TRAF2: variants seen among roughly 807,000 people sequenced by gnomAD.
TRAF2 encodes the protein TNF receptor-associated factor 2.
In TRAF2, 6 loss-of-function variants were observed where a neutral mutation model predicts 55.6. The observed-to-expected ratio is 0.11, with a 90% CI of 0.06 to 0.21. The LOEUF is 0.21. Among genes scored for constraint, TRAF2 ranks in the 10% least tolerant of loss-of-function variants. TRAF2 has a pLI of 1.00. For missense variants in TRAF2, 561 were observed against 684.5 expected (o/e 0.82, Z 2.01); for synonymous variants, 329 against 276.3 (o/e 1.19, Z -1.89).
chr9:136,907,003 A>G (rs1849969352), intron 4 of TRAF2, among the ~76,000 whole-genome samples: 1 of 152,224 alleles, frequency 6.6e-6, no homozygotes, highest in Admixed American at 6.5e-5. Flanking sequence ...GACCCCTCAC[A>G]TTCGGGCAGA....
At chr9:136,912,154 T>C (rs1367582292) in intron 6 of TRAF2, among the ~76,000 whole-genome samples, 250 of 10,130 alleles carry the variant, frequency 0.025, 8 homozygotes, top group African/African-American at 0.11. Context: ...GTCTGGCCCT[T>C]TTTTTTTTTT....
rs1554780829 is a variant in TRAF2, at chr9:136,909,907, C to A, written c.529-13C>A. ...GGCGTCCACCCTCACACTCCTGATC[C>A]CTTCTTTTGAAGGCGCACCACGAGG... On this transcript the variant is annotated splice_polypyrimidine_tract_variant and intron_variant, in intron 5 of 10. Coordinates refer to ENST00000247668, the MANE Select transcript of TRAF2 (RefSeq NM_021138.4). The A allele has an allele frequency of 1.2e-6, 2 of 1,614,120 alleles. No homozygotes were observed. Among genetic ancestry groups the A allele is most frequent in the East Asian group, 4.5e-5 (2 of 44,884 alleles).
At chr9:136,918,255 A>ATATATATATATATATATTTATT (rs1402432355) in intron 7 of TRAF2, among the ~76,000 whole-genome samples, 5 of 23,352 alleles carry the variant, frequency 2.1e-4, no homozygotes, top group African/African-American at 1.0e-3. Flanking sequence ...ATATATATAT[A>ATATATATATATATATATTTATT]TATTTATTTA....
At chr9:136,901,573 A>G (rs1405124846) in intron 4 of TRAF2, among the ~76,000 whole-genome samples, 2 of 152,180 alleles carry the variant, frequency 1.3e-5, no homozygotes, top group Non-Finnish European at 2.9e-5. Flanking sequence ...ATCCATGGGT[A>G]CAGGAAGTAG....
At chr9:136,907,968 G>GAC in intron 4 of TRAF2, 102 bp from the exon 5 acceptor site, 2 of 1,460,690 alleles carry the variant, frequency 1.4e-6, no homozygotes, top group Non-Finnish European at 1.8e-6. Flanking sequence ...CCAGCATGCG[G>GAC]ACACCAAGCC....
At chr9:136,907,517 G>A (rs1015285143) in intron 4 of TRAF2, among the ~76,000 whole-genome samples, 1 of 152,252 alleles carries the variant, frequency 6.6e-6, no homozygotes, top group African/African-American at 2.4e-5. Flanking sequence ...TGGCCTGGTG[G>A]GCTTGTGCCT....
chr9:136,922,473 C>G (rs1189823290), intron 9 of TRAF2: 3 of 152,920 alleles, frequency 2.0e-5, no homozygotes, highest in African/African-American at 7.2e-5. Flanking sequence ...CGGAGGTGGT[C>G]TTCTTGGGAG....
At chr9:136,904,206 A>T (rs573995536) in intron 4 of TRAF2, among the ~76,000 whole-genome samples, 5 of 151,932 alleles carry the variant, frequency 3.3e-5, no homozygotes, top group Admixed American at 2.6e-4. Context: ...TGAGCATTTT[A>T]TTACTATTAT....
intron 4 of TRAF2, among the ~76,000 whole-genome samples, chr9:136,905,033 C>T (rs1312995658): frequency 6.6e-6 from 1 of 152,208 alleles, no homozygotes; most frequent in Non-Finnish European, 1.5e-5. Context: ...AGGAACACTC[C>T]CTGGGGAGGT....
chr9:136,899,982 A>T (rs1367982073), intron 3 of TRAF2, among the ~76,000 whole-genome samples: 1 of 152,220 alleles, frequency 6.6e-6, no homozygotes, highest in Non-Finnish European at 1.5e-5. Flanking sequence ...CCTGGCGCAC[A>T]TGGTGAAACC....
At chr9:136,893,202 CG>C (rs1487123122) in intron 1 of TRAF2, among the ~76,000 whole-genome samples, 2 of 152,102 alleles carry the variant, frequency 1.3e-5, no homozygotes, top group African/African-American at 4.8e-5. Context: ...ACAGGTGTGG[CG>C]TCCCCACCGA....
upstream of TRAF2, chr9:136,882,752 A>T: frequency 1.0e-6 from 1 of 985,652 alleles, no homozygotes; most frequent in South Asian, 4.7e-5. Context: ...GCGAGTCCCC[A>T]GGCCAAGGTG....
intron 8 of TRAF2, 101 bp downstream of exon 8, chr9:136,920,616 G>A (rs1003160507): frequency 6.3e-5 from 88 of 1,407,236 alleles, no homozygotes; most frequent in African/African-American, 2.0e-4. Context: ...TTTAGAGCCC[G>A]GACAATGTAG....
chr9:136,909,374 GTC>G (rs1375332279), intron 5 of TRAF2, among the ~76,000 whole-genome samples: 1 of 152,212 alleles, frequency 6.6e-6, no homozygotes, highest in African/African-American at 2.4e-5. Context: ...ATGTCTCTGG[GTC>G]TCTCTCTGCC....
Position 136,898,935 on chromosome 9 carries a change from G to A in TRAF2, c.188+7G>A. On this transcript the variant is annotated splice_region_variant and intron_variant, in intron 2 of 10. Transcript: ENST00000247668. ...GCCTGGCCAGCATCCTCAGGTGCAT[G>A]GGGCCTGCAGGCTGGGAGGAGGGGC... 1 of 1,595,728 alleles carries A rather than the reference G, an allele frequency of 6.3e-7. No homozygotes were observed. The highest frequency in any genetic ancestry group is 1.1e-5 in the South Asian group (1 of 89,222).
At chr9:136,913,957 A>C (rs942773559) in intron 6 of TRAF2, among the ~76,000 whole-genome samples, 2 of 151,868 alleles carry the variant, frequency 1.3e-5, no homozygotes, top group Admixed American at 6.6e-5. Context: ...TTGGAGGCTG[A>C]CCTGTGGGGC....
At chr9:136,907,114 T>C (rs894429552) in intron 4 of TRAF2, among the ~76,000 whole-genome samples, 1 of 152,216 alleles carries the variant, frequency 6.6e-6, no homozygotes, top group Non-Finnish European at 1.5e-5. Flanking sequence ...GGCCTGGGTG[T>C]GGCGAGGAGC....
chr9:136,913,713 T>G (rs571938370), intron 6 of TRAF2, among the ~76,000 whole-genome samples: 1 of 152,204 alleles, frequency 6.6e-6, no homozygotes, highest in East Asian at 1.9e-4. Context: ...TTTTAAAGAT[T>G]TGCTTTTGTT....
chr9:136,906,827 T>C (rs1348102336), intron 4 of TRAF2, among the ~76,000 whole-genome samples: 3 of 152,198 alleles, frequency 2.0e-5, no homozygotes, highest in Admixed American at 1.3e-4. Flanking sequence ...CCCAGACACA[T>C]CCTGAATCCG....
Sources: allele counts gnomAD v4.1 joint callset (sites outside exome capture counted in the v4.1 genomes callset), GRCh38; gene constraint gnomAD v4.1.1; transcripts MANE v1.5; gene names NCBI Gene and HGNC (gene_info 2026-07-23, HGNC 2026-07-21).